Variants in ZZEF1 observed in about 807,000 individuals in gnomAD.
ZZEF1 encodes the protein zinc finger ZZ-type and EF-hand domain containing 1.
Under a neutral mutation model 342.8 loss-of-function variants are expected in ZZEF1, and 157 were observed. The observed-to-expected ratio is 0.46, with a 90% CI of 0.40 to 0.52. ZZEF1 has a LOEUF of 0.52. ZZEF1 is among the 20% of genes least tolerant of loss of function. The pLI is 0.00. For missense variants in ZZEF1, 3,480 were observed against 3,725.6 expected, an observed-to-expected ratio of 0.93 and a Z score of 1.72; for synonymous variants, 1,505 against 1,429.1, an observed-to-expected ratio of 1.05 and a Z score of -1.20.
intron 46 of ZZEF1, among the ~76,000 whole-genome samples, chr17:4,018,651 G>A (rs893306665): frequency 6.6e-6 from 1 of 152,172 alleles, no homozygotes; most frequent in Non-Finnish European, 1.5e-5. Context: ...ACAGGTGGAC[G>A]ACTCTGGCCG....
chr17:4,114,170 G>T, intron 4 of ZZEF1, 129 bp downstream of exon 4: 1 of 646,940 alleles, frequency 1.5e-6, no homozygotes. Flanking sequence ...CAGGTTACAT[G>T]ATTTTACATG....
chr17:4,052,858 C>T (rs2057079068), intron 34 of ZZEF1, among the ~76,000 whole-genome samples: 1 of 136,142 alleles, frequency 7.3e-6, no homozygotes, highest in Non-Finnish European at 1.5e-5. Context: ...CAGAGTGAGA[C>T]TTTGTCTCGG....
chr17:4,073,320 TAA>T (rs1365094319), intron 24 of ZZEF1, among the ~76,000 whole-genome samples: 2 of 152,358 alleles, frequency 1.3e-5, no homozygotes, highest in East Asian at 3.9e-4. Flanking sequence ...ATTTTACTTC[TAA>T]AACTGGAAAA....
chr17:4,084,486 C>T (rs1279660295), intron 16 of ZZEF1, among the ~76,000 whole-genome samples: 1 of 152,210 alleles, frequency 6.6e-6, no homozygotes, highest in Non-Finnish European at 1.5e-5. Context: ...GTCTTGTACA[C>T]ATTTCTCTAA....
intron 42 of ZZEF1, among the ~76,000 whole-genome samples, chr17:4,026,073 C>G (rs991794277): frequency 6.6e-6 from 1 of 152,092 alleles, no homozygotes; most frequent in Non-Finnish European, 1.5e-5. Flanking sequence ...GAGAGCTCTC[C>G]GGAGATCCAC....
chr17:4,049,709 T>C lies in ZZEF1; in HGVS notation c.6014A>G (p.Asn2005Ser), dbSNP rs756538497. ...GTGTAGTAAAGAATCGTCATTTACA[T>C]TGCCTGCTTCTGACAGCTCAGCACC... is the stretch of plus-strand genomic sequence containing the variant. ...VQGAELSEAG[N>S]GKRAVHEEIR... Residue 2005 changes from asparagine to serine, a missense_variant and splice_region_variant, in exon 37 of 55, where the codon AAT (asparagine) becomes AGT (serine). By Grantham distance (46) the Asn-to-Ser change is conservative (BLOSUM62 1). This residue lies in a region of ZZEF1 where 1,269 missense variants were observed against 1,342.4 expected (regional missense o/e 0.95). Coordinates refer to ENST00000381638, the MANE Select transcript of ZZEF1 (RefSeq NM_015113.4). 10 of 1,613,964 alleles carry C rather than the reference T, an allele frequency of 6.2e-6. No individual in the cohort carries two copies. The highest frequency in any genetic ancestry group is 1.1e-5 in the South Asian group (1 of 91,058).
At chr17:4,048,054 G>T (rs900376102) in intron 37 of ZZEF1, among the ~76,000 whole-genome samples, 4 of 152,300 alleles carry the variant, frequency 2.6e-5, no homozygotes, top group Middle Eastern at 3.4e-3. Context: ...GAAGCACAGT[G>T]CTTATGGGTG....
In ZZEF1 at chr17:4,142,914, G is replaced by T; in HGVS notation, c.-19C>A. On this transcript the variant is annotated 5_prime_UTR_variant, in exon 1 of 55. Coordinates refer to ENST00000381638, the MANE Select transcript of ZZEF1 (RefSeq NM_015113.4). ...TCCCCATGGGGTCTCCGTCTTGGGCGCCTGGCTCTGCAGCCGCCGCCGCCG... is the reference window on the plus strand; with the variant it reads ...TCCCCATGGGGTCTCCGTCTTGGGCTCCTGGCTCTGCAGCCGCCGCCGCCG... 4.6e-6 allele frequency: 6 copies of T among 1,310,626 alleles called. No homozygotes were observed. Among genetic ancestry groups the T allele is most frequent in the Non-Finnish European group, 5.8e-6 (6 of 1,033,972 alleles). 81.2% of individuals were successfully genotyped at this position (1,310,626 alleles called of 1,614,324 possible). A position where few individuals can be genotyped will look rare whatever the true frequency, so the allele number is the denominator to read the frequency against.
In ZZEF1 at chr17:4,050,781, CT is replaced by C; in HGVS notation, c.5862del (p.Gly1955AlafsTer5). On this transcript the variant is annotated frameshift_variant and splice_region_variant, in exon 36 of 55. Coordinates refer to ENST00000381638, the MANE Select transcript of ZZEF1 (RefSeq NM_015113.4). LOFTEE classifies it high-confidence loss of function. ...TGGTTTCTGTGCATTGGGAAGTCACCTTTTCCCTGATGAGCCTTCATCAGAC... is the reference window on the plus strand; with the variant it reads ...TGGTTTCTGTGCATTGGGAAGTCACCTTTCCCTGATGAGCCTTCATCAGAC... ...GDCLMKAHQG[K>X]GLKALALLGV... is the part of the protein sequence containing the mutation. The C allele has an allele frequency of 1.2e-6, 2 of 1,613,632 alleles. No homozygotes were observed.
intron 26 of ZZEF1, 73 bp from the exon 27 acceptor site, chr17:4,067,315 A>T: frequency 8.0e-7 from 1 of 1,251,556 alleles, no homozygotes; most frequent in South Asian, 1.4e-5. Flanking sequence ...AGCACAAAAA[A>T]TCTAAATCTG....
intron 52 of ZZEF1, among the ~76,000 whole-genome samples, chr17:4,011,972 G>A (rs1353583039): frequency 1.3e-5 from 2 of 152,226 alleles, no homozygotes; most frequent in Non-Finnish European, 2.9e-5. Context: ...ACTCTATGAG[G>A]AGCACGCATG....
At position 4,075,124 on chromosome 17, in the gene ZZEF1, T is replaced by G. The variant is rs1597853136; in HGVS notation, c.3456A>C (p.Thr1152=). ...TGGGCCATTTATCAGTGCCAACTTT[T>G]GTGTCATAGCGTGTTTTCCGACCTC... is the stretch of plus-strand genomic sequence containing the variant. The part of the protein sequence containing the change: ...DARGRKTRYD[T]KVGTDKWPKK... The change falls in exon 23 of 55, where the codon ACA becomes ACC. Residue 1152 remains threonine, a synonymous_variant. Transcript: ENST00000381638. 1 of 1,614,244 alleles carries G rather than the reference T, an allele frequency of 6.2e-7. No individual in the cohort carries two copies. The highest frequency in any genetic ancestry group is 2.2e-5 in the East Asian group (1 of 44,890).
chr17:4,045,557 C>CACT (rs2056895451), intron 37 of ZZEF1, among the ~76,000 whole-genome samples: 1 of 152,156 alleles, frequency 6.6e-6, no homozygotes, highest in African/African-American at 2.4e-5. Context: ...ACATTGTTTT[C>CACT]ACTGCCACAG....
intron 16 of ZZEF1, among the ~76,000 whole-genome samples, chr17:4,083,637 CTTTTTT>C (rs35907843): frequency 8.4e-6 from 1 of 118,664 alleles, no homozygotes; most frequent in African/African-American, 2.9e-5. Flanking sequence ...GCTTTTGTTC[CTTTTTT>C]TTTTTTTTTT....
Position 4,010,400 on chromosome 17 carries a change from C to T in ZZEF1, c.8580-643G>A, listed in dbSNP as rs2055915853. Reference sequence around the variant, plus strand: ...AGACTTTCCAGTGACAGTGGGAACTCATCTCAAGATAAATATTAAATGAAA... The same window carrying T: ...AGACTTTCCAGTGACAGTGGGAACTTATCTCAAGATAAATATTAAATGAAA... On this transcript the variant is annotated intron_variant, in intron 52 of 54. Transcript: ENST00000381638. 2.0e-5 allele frequency among the ~76,000 whole-genome samples: 3 copies of T among 151,400 alleles called. No homozygotes were observed. The South Asian group carries it at 6.3e-4, about 32-fold the overall frequency.
rs193199851 is a variant in ZZEF1, at chr17:4,009,285, G to A, written c.8733+319C>T. On this transcript the variant is annotated intron_variant, in intron 53 of 54. Transcript: ENST00000381638. ...CATTCAATCAGTCTATTGTGCTGAG[G>A]GGAGGAAAAAAAGAGAAGGAAGCAG... is the stretch of plus-strand genomic sequence containing the variant. The A allele has an allele frequency of 1.2e-5, 7 of 563,428 alleles. No homozygotes were observed. The East Asian group carries it at 1.5e-4, about 12-fold the overall frequency. 34.9% of individuals were successfully genotyped at this position (563,428 alleles called of 1,614,324 possible).
chr17:4,067,783 G>T (rs1338216340), intron 26 of ZZEF1, among the ~76,000 whole-genome samples: 1 of 152,000 alleles, frequency 6.6e-6, no homozygotes, highest in Non-Finnish European at 1.5e-5. Flanking sequence ...ACCCAGGCTG[G>T]AGTGCAGTGG....
rs1387278034 is a variant in ZZEF1, at chr17:4,032,256, G to A, written c.6762C>T (p.Val2254=). ...TLLVLVGFPQ[V]LCVGTRCVYM... is the part of the protein sequence containing the mutation. ...AAACGCAGCGGGTTCCCACACAGAGGACCTAGAACGTGGTAGACAGAGACA... is the reference window on the plus strand; with the variant it reads ...AAACGCAGCGGGTTCCCACACAGAGAACCTAGAACGTGGTAGACAGAGACA... The change falls in exon 42 of 55, where the codon GTC becomes GTT. Residue 2254 remains valine, a splice_region_variant and synonymous_variant. Coordinates refer to ENST00000381638, the MANE Select transcript of ZZEF1 (RefSeq NM_015113.4). 6.2e-7 allele frequency: 1 copy of A among 1,609,238 alleles called. No homozygotes were observed.
At chr17:4,106,301 GTGTT>G (rs919808514) in intron 6 of ZZEF1, among the ~76,000 whole-genome samples, 63 of 152,146 alleles carry the variant, frequency 4.1e-4, no homozygotes, top group African/African-American at 1.4e-3. Flanking sequence ...ATAGGGTTTT[GTGTT>G]TGTTTGTTTC....
Sources: gnomAD v4.1 joint callset for allele counts (sites outside exome capture counted in the v4.1 genomes callset) on GRCh38, gnomAD v4.1.1 for gene constraint, gnomAD v4.1.1 regional missense constraint, MANE v1.5 for transcripts, NCBI Gene and HGNC (gene_info 2026-07-23, HGNC 2026-07-21) for gene names.